ERN1: variants seen among roughly 807,000 people sequenced by gnomAD.
The protein encoded by ERN1 is endoplasmic reticulum to nucleus signaling 1, also known as serine/threonine-protein kinase/endoribonuclease IRE1.
In ERN1, 39 loss-of-function variants were observed where a neutral mutation model predicts 113.1. The observed-to-expected ratio is 0.34, with a 90% CI of 0.27 to 0.45. The LOEUF (loss-of-function observed/expected upper bound fraction) is 0.45, where lower values mean the gene tolerates loss of function less well. ERN1 is among the 20% of genes least tolerant of loss of function. The probability of loss-of-function intolerance (pLI) is 1.00; values close to 1 mark genes in which losing one functional copy is unlikely to be tolerated. For missense variants in ERN1, 976 were observed against 1,274.8 expected (o/e 0.77, Z 3.57); for synonymous variants, 507 against 515.9 (o/e 0.98, Z 0.23).
chr17:64,087,224 C>T (rs1001116815), intron 2 of ERN1, among the ~76,000 whole-genome samples: 1 of 152,302 alleles, frequency 6.6e-6, no homozygotes, highest in Admixed American at 6.5e-5. Context: ...TTCCTGCCTT[C>T]TTACCTTCCT....
intron 17 of ERN1, among the ~76,000 whole-genome samples, chr17:64,052,296 C>T (rs936713043): frequency 1.3e-5 from 2 of 152,118 alleles, no homozygotes; most frequent in Admixed American, 1.3e-4. Context: ...TTTGCTCACG[C>T]TAAGCAAGCC....
intron 19 of ERN1, 111 bp from the exon 20 acceptor site, chr17:64,045,593 T>A (rs1912488648): frequency 2.1e-6 from 3 of 1,415,464 alleles, no homozygotes; most frequent in Non-Finnish European, 2.9e-6. Flanking sequence ...GCCCCAGAGC[T>A]GGGCAGCAGG....
rs1050776851 is a variant in ERN1 at position 64,121,730 on chromosome 17, G to A, written c.54+8246C>T. On this transcript the variant is annotated intron_variant, in intron 1 of 21. Coordinates refer to ENST00000433197, the MANE Select transcript of ERN1 (RefSeq NM_001433.5). The stretch of plus-strand genomic sequence containing the variant: ...TCTTGAACTCCTGACCTTATGATCC[G>A]CCCGCCTCAGCTTCCTGAAGTGCTG... Among the ~76,000 whole-genome samples the A allele has an allele frequency of 6.6e-5, 10 of 152,070 alleles. No homozygotes were observed. The East Asian group carries it at 7.7e-4, about 12-fold the overall frequency.
At chr17:64,087,666 T>C (rs534218930) in intron 2 of ERN1, among the ~76,000 whole-genome samples, 18 of 152,160 alleles carry the variant, frequency 1.2e-4, no homozygotes, top group Non-Finnish European at 2.2e-4. Flanking sequence ...TCTTCTTACT[T>C]TGGGGTATGT....
At position 64,044,223 on chromosome 17, in the gene ERN1, G is replaced by A; in HGVS notation, c.2722-23C>T. On this transcript the variant is annotated intron_variant, in intron 21 of 21. Transcript: ENST00000433197. The surrounding 1 kb of genome is among the most constrained non-coding windows in gnomAD (Gnocchi z 4.1). Reference sequence around the variant, plus strand: ...CTTCTGCAAAGAGTTAGAAAGCTCGGGAGATTAGAAAGGGGTTAGAAAGCT... The same window carrying A: ...CTTCTGCAAAGAGTTAGAAAGCTCGAGAGATTAGAAAGGGGTTAGAAAGCT... 2 of 1,478,058 alleles carry A rather than the reference G, an allele frequency of 1.4e-6. No homozygotes were observed. The highest frequency in any genetic ancestry group is 2.8e-5 in the South Asian group (2 of 70,532). 91.6% of individuals were successfully genotyped at this position (1,478,058 alleles called of 1,614,324 possible).
At chr17:64,088,587 A>G (rs753079802) in intron 2 of ERN1, among the ~76,000 whole-genome samples, 1 of 152,206 alleles carries the variant, frequency 6.6e-6, no homozygotes, top group Non-Finnish European at 1.5e-5. Flanking sequence ...CTTTCTGTTG[A>G]GATGCGCCAA....
intron 2 of ERN1, among the ~76,000 whole-genome samples, chr17:64,086,464 A>G (rs1329395782): frequency 6.6e-6 from 1 of 151,962 alleles, no homozygotes; most frequent in Non-Finnish European, 1.5e-5. Context: ...CTTTTTTATT[A>G]CCAAATAGTA....
At chr17:64,056,785 G>A (rs1378828522) in intron 12 of ERN1, among the ~76,000 whole-genome samples, 2 of 152,180 alleles carry the variant, frequency 1.3e-5, no homozygotes, top group Non-Finnish European at 2.9e-5. Context: ...GCTTCTCAGG[G>A]TCTACTTCCT....
intron 1 of ERN1, among the ~76,000 whole-genome samples, chr17:64,119,388 T>G (rs951119516): frequency 3.6e-5 from 5 of 138,170 alleles, no homozygotes; most frequent in Admixed American, 7.1e-5. Context: ...TTTTTTTTTT[T>G]TTTTTTTTTT....
At chr17:64,075,402 G>A (rs1913561986) in intron 4 of ERN1, among the ~76,000 whole-genome samples, 155 bp from the exon 5 acceptor site, 1 of 152,094 alleles carries the variant, frequency 6.6e-6, no homozygotes, top group South Asian at 2.1e-4. Context: ...AAAGGAGAAG[G>A]GGGCACCCTA....
intron 5 of ERN1, among the ~76,000 whole-genome samples, chr17:64,073,143 T>G (rs1162509179): frequency 6.6e-6 from 1 of 151,738 alleles, no homozygotes; most frequent in Non-Finnish European, 1.5e-5. Context: ...TAGTTGAGAC[T>G]ACAGGCATGT....
chr17:64,070,829 C>G (rs1913388263), intron 6 of ERN1, among the ~76,000 whole-genome samples: 1 of 152,134 alleles, frequency 6.6e-6, no homozygotes, highest in Non-Finnish European at 1.5e-5. Flanking sequence ...TCATGGCATC[C>G]CCGACATGTG....
rs1294792794 is a variant in ERN1 at position 64,053,055 on chromosome 17, C to T, written c.2054-76G>A. ...CCTCCTCCAATGGGGAATGTGTCCTCGTCAGACTCCCAATATGCCTGCCGC... is the reference window on the plus strand; with the variant it reads ...CCTCCTCCAATGGGGAATGTGTCCTTGTCAGACTCCCAATATGCCTGCCGC... On this transcript the variant is annotated intron_variant, in intron 16 of 21. Coordinates refer to ENST00000433197, the MANE Select transcript of ERN1 (RefSeq NM_001433.5). 6.7e-5 allele frequency: 82 copies of T among 1,231,788 alleles called. 1 individual carries two copies. Among genetic ancestry groups the T allele is most frequent in the Non-Finnish European group, 7.9e-5 (69 of 876,296 alleles). The allele number at this position is 1,231,788 out of a possible 1,614,324, so 76.3% of individuals were successfully genotyped here. A position where few individuals can be genotyped will look rare whatever the true frequency, so the allele number is the denominator to read the frequency against.
At chr17:64,067,427 C>CAA (rs5821418) in intron 7 of ERN1, among the ~76,000 whole-genome samples, 32 of 83,074 alleles carry the variant, frequency 3.9e-4, no homozygotes, top group Admixed American at 1.6e-3. Context: ...CCCGTCTCTA[C>CAA]AAAAAAAAAA....
At chr17:64,093,424 G>T (rs1042405238) in intron 2 of ERN1, among the ~76,000 whole-genome samples, 5 of 152,172 alleles carry the variant, frequency 3.3e-5, no homozygotes, top group Middle Eastern at 3.2e-3. Context: ...TGTTGATCTT[G>T]TAAAGTGGAG....
At chr17:64,069,617 A>G (rs536452350) in intron 6 of ERN1, among the ~76,000 whole-genome samples, 1 of 152,308 alleles carries the variant, frequency 6.6e-6, no homozygotes, top group African/African-American at 2.4e-5. Flanking sequence ...TTTCAGAATT[A>G]CTAAGGCCCA....
chr17:64,087,507 A>C (rs1205545191), intron 2 of ERN1, among the ~76,000 whole-genome samples: 2 of 152,102 alleles, frequency 1.3e-5, no homozygotes, highest in African/African-American at 2.4e-5. Flanking sequence ...GAAGTCCCCA[A>C]ACCAGTCCCT....
At chr17:64,051,317 A>T (rs1912676255) in intron 17 of ERN1, among the ~76,000 whole-genome samples, 1 of 152,236 alleles carries the variant, frequency 6.6e-6, no homozygotes, top group Non-Finnish European at 1.5e-5. Context: ...AGTAAACAGG[A>T]TATTCACATT....
In ERN1 at chr17:64,098,253, T is replaced by C. The variant is rs777168621; in HGVS notation, c.55-12A>G. ...GTACTTCCAAAAATCTGCAACGAGA[T>C]GTAGAAGACTCTTAATGTTGATATG... On this transcript the variant is annotated splice_polypyrimidine_tract_variant and intron_variant, in intron 1 of 21. Coordinates refer to ENST00000433197, the MANE Select transcript of ERN1 (RefSeq NM_001433.5). 1 of 1,613,890 alleles carries C rather than the reference T, an allele frequency of 6.2e-7. No homozygotes were observed. Among genetic ancestry groups the C allele is most frequent in the Non-Finnish European group, 8.5e-7 (1 of 1,179,820 alleles).
Sources: allele counts gnomAD v4.1 joint callset (sites outside exome capture counted in the v4.1 genomes callset), GRCh38; gene constraint gnomAD v4.1.1; non-coding constraint Gnocchi (gnomAD v3.1); transcripts MANE v1.5; gene names NCBI Gene and HGNC (gene_info 2026-07-23, HGNC 2026-07-21).